CNTNAP5: variants seen among roughly 807,000 people sequenced by gnomAD.
CNTNAP5 encodes contactin-associated protein-like 5.
A neutral mutation model predicts 150.2 loss-of-function variants in CNTNAP5; 72 were observed. The observed-to-expected ratio is 0.48, with a 90% confidence interval of 0.40 to 0.58. The LOEUF is 0.58. Among genes scored for constraint, CNTNAP5 ranks in the 20% least tolerant of loss-of-function variants. The probability of loss-of-function intolerance (pLI) is 0.00; values close to 1 mark genes in which losing one functional copy is unlikely to be tolerated. For synonymous variants in CNTNAP5, 672 were observed against 619.8 expected (o/e 1.08, Z -1.25); for missense variants, 1,636 against 1,626.2 (o/e 1.01, Z -0.10).
At chr2:124,267,766 T>C (rs1455949625) in intron 3 of CNTNAP5, among the ~76,000 whole-genome samples, 1 of 152,204 alleles carries the variant, frequency 6.6e-6, no homozygotes, top group Non-Finnish European at 1.5e-5. Context: ...TACAAGATTA[T>C]GTTCACAGCT....
At chr2:124,460,620 G>T (rs975541922) in intron 6 of CNTNAP5, among the ~76,000 whole-genome samples, 3 of 152,064 alleles carry the variant, frequency 2.0e-5, no homozygotes, top group Non-Finnish European at 2.9e-5. Context: ...GTAAAAAGTT[G>T]CTGAGTAATT....
At chr2:124,746,154 T>C (rs1293863071) in intron 13 of CNTNAP5, among the ~76,000 whole-genome samples, 2 of 152,182 alleles carry the variant, frequency 1.3e-5, no homozygotes, top group Non-Finnish European at 2.9e-5. Context: ...GTTAAGCACC[T>C]GTTGTATATC....
At chr2:124,115,109 A>T (rs184389743) in intron 1 of CNTNAP5, among the ~76,000 whole-genome samples, 184 of 152,194 alleles carry the variant, frequency 1.2e-3, no homozygotes, top group Non-Finnish European at 2.3e-3. Flanking sequence ...AGGATTCTAC[A>T]TATCTTTTTT....
rs188546725 is a variant in CNTNAP5, at chr2:124,433,933, G to T, written c.530-551G>T. Reference sequence around the variant, plus strand: ...GCACAGATAAGGCAGTGATACATTTGCCCTCTTTGTTCAAATAACAAGTCT... The same window carrying T: ...GCACAGATAAGGCAGTGATACATTTTCCCTCTTTGTTCAAATAACAAGTCT... On this transcript the variant is annotated intron_variant, in intron 4 of 23. Coordinates refer to ENST00000682447, the MANE Select transcript of CNTNAP5 (RefSeq NM_001367498.1). Among the ~76,000 whole-genome samples the T allele has an allele frequency of 9.2e-5, 14 of 152,254 alleles. No individual in the cohort carries two copies. The East Asian group carries it at 1.4e-3, about 15-fold the overall frequency.
At chr2:124,601,165 A>G (rs977903231) in intron 11 of CNTNAP5, among the ~76,000 whole-genome samples, 3 of 152,300 alleles carry the variant, frequency 2.0e-5, no homozygotes, top group South Asian at 2.1e-4. Context: ...GAAAACATGT[A>G]TGGTTGAAGA....
At chr2:124,877,145 G>T (rs931136149) in intron 21 of CNTNAP5, among the ~76,000 whole-genome samples, 2 of 152,012 alleles carry the variant, frequency 1.3e-5, no homozygotes, top group Non-Finnish European at 2.9e-5. Context: ...GATTTAAGAT[G>T]CAATTTTATT....
intron 3 of CNTNAP5, among the ~76,000 whole-genome samples, chr2:124,306,401 T>G (rs1688691081): frequency 6.6e-6 from 1 of 152,118 alleles, no homozygotes; most frequent in Admixed American, 6.5e-5. Flanking sequence ...AAGAAAGCAG[T>G]CTTTCCCCCC....
intron 13 of CNTNAP5, among the ~76,000 whole-genome samples, chr2:124,741,719 G>C (rs1353062774): frequency 6.6e-6 from 1 of 152,082 alleles, no homozygotes; most frequent in African/African-American, 2.4e-5. Flanking sequence ...TGATCTGCTG[G>C]AATGATTTAA....
At chr2:124,122,182 G>A (rs952278979) in intron 1 of CNTNAP5, among the ~76,000 whole-genome samples, 3 of 151,972 alleles carry the variant, frequency 2.0e-5, no homozygotes, top group Admixed American at 6.6e-5. Flanking sequence ...CTTTGCAAAG[G>A]GAACAATGCC....
chr2:124,290,496 G>A (rs568687287), intron 3 of CNTNAP5, among the ~76,000 whole-genome samples: 199 of 152,216 alleles, frequency 1.3e-3, no homozygotes, highest in Admixed American at 5.4e-3. Context: ...CAGGCTGGCC[G>A]CAGTACTATT....
At chr2:124,283,914 C>G (rs1437773393) in intron 3 of CNTNAP5, among the ~76,000 whole-genome samples, 1 of 152,156 alleles carries the variant, frequency 6.6e-6, no homozygotes, top group African/African-American at 2.4e-5. Flanking sequence ...TTGTGCACCT[C>G]CCAGTGTTAC....
At chr2:124,764,176 T>C (rs1361227306) in intron 16 of CNTNAP5, 29 bp downstream of exon 16, 6 of 1,579,154 alleles carry the variant, frequency 3.8e-6, no homozygotes, top group Non-Finnish European at 4.3e-6. Flanking sequence ...GAATTTAATG[T>C]AACTGATCAA....
intron 18 of CNTNAP5, among the ~76,000 whole-genome samples, chr2:124,791,783 G>T (rs1681739856): frequency 7.3e-6 from 1 of 136,548 alleles, no homozygotes; most frequent in South Asian, 2.3e-4. Flanking sequence ...CCCTGCATAT[G>T]TTGCAACATC....
At chr2:124,329,292 T>C (rs1327222924) in intron 3 of CNTNAP5, among the ~76,000 whole-genome samples, 1 of 152,212 alleles carries the variant, frequency 6.6e-6, no homozygotes, top group East Asian at 1.9e-4. Context: ...TTCTTTCTTT[T>C]CTCAGGTGGT....
At chr2:124,485,438 C>A (rs904442160) in intron 7 of CNTNAP5, among the ~76,000 whole-genome samples, 2 of 151,694 alleles carry the variant, frequency 1.3e-5, no homozygotes, top group Admixed American at 1.3e-4. Context: ...ACGGTGAAAC[C>A]CCGTATCTAC....
Position 124,173,729 on chromosome 2 carries a change from A to G in CNTNAP5, c.83-47976A>G, listed in dbSNP as rs1477164935. Among the ~76,000 whole-genome samples, 3 of 152,198 alleles carry G rather than the reference A, an allele frequency of 2.0e-5. No individual in the cohort carries two copies. In the East Asian group the frequency reaches 5.8e-4, roughly 29 times the overall value. ...AGTAAAGCAGTAAGTGCTAATGTAGAATTTGCAGGGAATTATCCAGAAGAT... is the reference window on the plus strand; with the variant it reads ...AGTAAAGCAGTAAGTGCTAATGTAGGATTTGCAGGGAATTATCCAGAAGAT... On this transcript the variant is annotated intron_variant, in intron 1 of 23. Coordinates refer to ENST00000682447, the MANE Select transcript of CNTNAP5 (RefSeq NM_001367498.1).
chr2:124,170,122 A>G lies in CNTNAP5; in HGVS notation c.83-51583A>G, dbSNP rs547869040. ...TAGAAAAGCAGGGTAATCATCTACAACAGGACCACTAAAGGATGACACAGG... is the reference window on the plus strand; with the variant it reads ...TAGAAAAGCAGGGTAATCATCTACAGCAGGACCACTAAAGGATGACACAGG... On this transcript the variant is annotated intron_variant, in intron 1 of 23. Transcript: ENST00000682447. Among the ~76,000 whole-genome samples the G allele has an allele frequency of 1.2e-4, 19 of 152,342 alleles. 1 individual carries two copies. The South Asian group carries it at 3.9e-3, about 32-fold the overall frequency.
chr2:124,624,198 C>CTGTA (rs1677673138), intron 12 of CNTNAP5, among the ~76,000 whole-genome samples: 1 of 152,178 alleles, frequency 6.6e-6, no homozygotes, highest in South Asian at 2.1e-4. Flanking sequence ...AGTCATAAAG[C>CTGTA]TGTAGTATTA....
At chr2:124,563,567 C>T (rs1695943732) in intron 11 of CNTNAP5, among the ~76,000 whole-genome samples, 1 of 152,092 alleles carries the variant, frequency 6.6e-6, no homozygotes, top group Non-Finnish European at 1.5e-5. Flanking sequence ...CATGACAGTA[C>T]AGTTGAATAA....
Sources: gnomAD v4.1 joint callset for allele counts (sites outside exome capture counted in the v4.1 genomes callset) on GRCh38, gnomAD v4.1.1 for gene constraint, MANE v1.5 for transcripts, NCBI Gene and HGNC (gene_info 2026-07-23, HGNC 2026-07-21) for gene names.